Variants in TIPIN observed in about 807,000 individuals in gnomAD.
The protein encoded by TIPIN is TIMELESS interacting protein.
Under a neutral mutation model 35.6 loss-of-function variants are expected in TIPIN, and 29 were observed. The observed-to-expected ratio is 0.82, with a 90% confidence interval of 0.61 to 1.11. The LOEUF is 1.11. Among genes scored for constraint, TIPIN ranks in the 50% most tolerant of loss-of-function variants. The probability of loss-of-function intolerance (pLI) is 0.00; values close to 1 mark genes in which losing one functional copy is unlikely to be tolerated. For synonymous variants in TIPIN, 102 were observed against 121.5 expected, an observed-to-expected ratio of 0.84 and a Z score of 1.06; for missense variants, 296 against 345.4, an observed-to-expected ratio of 0.86 and a Z score of 1.13.
chr15:66,341,043 T>A, intron 7 of TIPIN, 107 bp downstream of exon 7: 3 of 964,384 alleles, frequency 3.1e-6, no homozygotes, highest in Non-Finnish European at 4.7e-6. Context: ...TATCACACTT[T>A]TCCACTCCTA....
intron 1 of TIPIN, among the ~76,000 whole-genome samples, chr15:66,378,356 C>A (rs527494909): frequency 1.3e-5 from 2 of 151,842 alleles, no homozygotes; most frequent in Admixed American, 1.3e-4. Context: ...AGGCTTGTCT[C>A]CATCTCCTGA....
chr15:66,365,039 A>T (rs919769638), intron 1 of TIPIN, among the ~76,000 whole-genome samples: 2 of 151,852 alleles, frequency 1.3e-5, no homozygotes, highest in Admixed American at 6.6e-5. Flanking sequence ...AACCAGAGCA[A>T]CTGTGTCTTG....
intron 5 of TIPIN, 31 bp from the exon 6 acceptor site, chr15:66,349,154 CCT>C: frequency 6.2e-7 from 1 of 1,602,954 alleles, no homozygotes; most frequent in African/African-American, 1.3e-5. Flanking sequence ...TTTATTTTTA[CCT>C]CTTTACCAAT....
intron 1 of TIPIN, among the ~76,000 whole-genome samples, chr15:66,373,699 A>C (rs1222436502): frequency 6.6e-6 from 1 of 151,740 alleles, no homozygotes; most frequent in African/African-American, 2.4e-5. Flanking sequence ...TTTATTAATT[A>C]ATTAATTTGG....
intron 1 of TIPIN, chr15:66,382,252 G>A (rs1287175104): frequency 1.6e-6 from 1 of 612,880 alleles, no homozygotes; most frequent in Non-Finnish European, 2.0e-6. Flanking sequence ...CTCAGAGAGG[G>A]TAAGTAATCA....
intron 7 of TIPIN, among the ~76,000 whole-genome samples, chr15:66,337,984 A>G (rs892955629): frequency 1.3e-5 from 2 of 152,144 alleles, no homozygotes; most frequent in African/African-American, 4.8e-5. Flanking sequence ...GGCCAGGCAC[A>G]GTGGATCATG....
At chr15:66,340,501 T>C (rs994572458) in intron 7 of TIPIN, among the ~76,000 whole-genome samples, 3 of 151,996 alleles carry the variant, frequency 2.0e-5, no homozygotes, top group African/African-American at 4.8e-5. Flanking sequence ...TTTATTGTTA[T>C]AATTATTGTC....
intron 1 of TIPIN, chr15:66,371,524 T>TC: frequency 2.3e-6 from 1 of 433,930 alleles, no homozygotes; most frequent in Non-Finnish European, 3.1e-6. Context: ...GTTTCTTTTT[T>TC]TTTTTTGGAG....
chr15:66,371,984 A>G (rs1280347473), intron 1 of TIPIN, among the ~76,000 whole-genome samples: 9 of 151,692 alleles, frequency 5.9e-5, no homozygotes, highest in Admixed American at 5.3e-4. Context: ...TTATAGAGAG[A>G]GGTTCTCACT....
chr15:66,341,375 A>T lies in TIPIN; in HGVS notation c.476-19T>A. ...ACTTCATCTGCAATAGAAAAGAAAT[A>T]GTACATCTGTGGTGTTAGACTAGTT... On this transcript the variant is annotated intron_variant, in intron 6 of 7. Coordinates refer to ENST00000261881, the MANE Select transcript of TIPIN (RefSeq NM_017858.3). The T allele has an allele frequency of 1.3e-6, 2 of 1,596,242 alleles. No homozygotes were observed. Among genetic ancestry groups the T allele is most frequent in the Non-Finnish European group, 1.7e-6 (2 of 1,170,090 alleles).
chr15:66,369,627 C>A (rs902360650), intron 1 of TIPIN, among the ~76,000 whole-genome samples: 1 of 152,132 alleles, frequency 6.6e-6, no homozygotes, highest in African/African-American at 2.4e-5. Context: ...GGATTACAGG[C>A]GTGAGCCACC....
At chr15:66,374,649 G>A (rs974890962) in intron 1 of TIPIN, among the ~76,000 whole-genome samples, 9 of 151,932 alleles carry the variant, frequency 5.9e-5, no homozygotes, top group East Asian at 1.9e-4. Flanking sequence ...GTGCCGTCTC[G>A]GATCACCGCA....
chr15:66,360,397 G>A (rs569872014), upstream of TIPIN, among the ~76,000 whole-genome samples: 17 of 152,126 alleles, frequency 1.1e-4, no homozygotes, highest in African/African-American at 4.1e-4. Flanking sequence ...CTTGAGTCCA[G>A]GAGTCCCGGA....
chr15:66,364,492 A>G (rs183410441), intron 1 of TIPIN, among the ~76,000 whole-genome samples: 2 of 152,232 alleles, frequency 1.3e-5, no homozygotes, highest in East Asian at 3.9e-4. Flanking sequence ...AAGAGTAAAG[A>G]CAAGCAACCA....
intron 1 of TIPIN, among the ~76,000 whole-genome samples, chr15:66,353,164 A>G (rs1595799931): frequency 6.6e-6 from 1 of 152,168 alleles, no homozygotes; most frequent in African/African-American, 2.4e-5. Flanking sequence ...CTAAATAACT[A>G]TATCATTTTG....
chr15:66,342,043 G>A (rs920141653), intron 6 of TIPIN, among the ~76,000 whole-genome samples: 1 of 151,942 alleles, frequency 6.6e-6, no homozygotes, highest in Non-Finnish European at 1.5e-5. Context: ...AATTAGCTGG[G>A]CATGGTGGCG....
intron 7 of TIPIN, among the ~76,000 whole-genome samples, chr15:66,340,100 C>T: frequency 6.6e-6 from 1 of 151,030 alleles, no homozygotes; most frequent in African/African-American, 2.4e-5. Flanking sequence ...TCTCGATCTC[C>T]TGACCTTGTG....
chr15:66,347,644 G>A (rs62627305), intron 6 of TIPIN, among the ~76,000 whole-genome samples: 8,446 of 152,002 alleles, frequency 0.056, 397 homozygotes, highest in African/African-American at 0.12. Context: ...TTGCAACGAC[G>A]CAATCTCGGC....
At chr15:66,370,791 G>T (rs2093275047) in intron 1 of TIPIN, among the ~76,000 whole-genome samples, 1 of 152,006 alleles carries the variant, frequency 6.6e-6, no homozygotes, top group African/African-American at 2.4e-5. Context: ...CATAATAAAA[G>T]AATAAAAGAT....
Sources: allele counts gnomAD v4.1 joint callset (sites outside exome capture counted in the v4.1 genomes callset), GRCh38; gene constraint gnomAD v4.1.1; transcripts MANE v1.5; gene names NCBI Gene and HGNC (gene_info 2026-07-23, HGNC 2026-07-21).